The following DENND2A variants were observed in gnomAD, a reference collection of about 807,000 sequenced individuals.
DENND2A encodes DENN domain containing 2A.
A neutral mutation model predicts 105.3 loss-of-function variants in DENND2A; 53 were observed. The ratio of observed to expected loss-of-function variants is 0.50; its 90% CI spans 0.40 to 0.63. DENND2A has a LOEUF of 0.63. DENND2A is among the 30% of genes least tolerant of loss of function. DENND2A has a pLI of 0.00. For missense variants in DENND2A, 1,138 were observed against 1,279.6 expected (o/e 0.89, Z 1.69); for synonymous variants, 522 against 508.4 (o/e 1.03, Z -0.36).
intron 5 of DENND2A, among the ~76,000 whole-genome samples, chr7:140,580,828 G>T (rs1798511116): frequency 6.6e-6 from 1 of 151,540 alleles, no homozygotes; most frequent in African/African-American, 2.4e-5. Context: ...GTAGAGACGG[G>T]GTTTCACCAT....
rs1585742364 is a variant in DENND2A at position 140,605,705 on chromosome 7, T to C, written c.-146A>G. On this transcript the variant is annotated splice_region_variant and 5_prime_UTR_variant, in exon 2 of 20. Coordinates refer to ENST00000496613, the MANE Select transcript of DENND2A (RefSeq NM_015689.5). ...ACTCTCGGGGGAGAAGTGTTCTTAC[T>C]TGTCAGCCAATTTGTAGCTCAGGTT... 6.6e-6 allele frequency: 1 copy of C among 152,340 alleles called. No homozygotes were observed. Among genetic ancestry groups the C allele is most frequent in the African/African-American group, 2.4e-5 (1 of 41,466 alleles). The allele number at this position is 152,340 out of a possible 1,614,324, so 9.4% of individuals were successfully genotyped here. A position where few individuals can be genotyped will look rare whatever the true frequency, so the allele number is the denominator to read the frequency against.
At chr7:140,583,741 A>G (rs1798647440) in intron 5 of DENND2A, among the ~76,000 whole-genome samples, 1 of 147,112 alleles carries the variant, frequency 6.8e-6, no homozygotes, top group Non-Finnish European at 1.5e-5. Context: ...CATCCTGTGA[A>G]TGGTGAAACC....
At chr7:140,574,182 A>G (rs1054823333) in intron 5 of DENND2A, among the ~76,000 whole-genome samples, 174 bp from the exon 6 acceptor site, 1 of 152,116 alleles carries the variant, frequency 6.6e-6, no homozygotes, top group Non-Finnish European at 1.5e-5. Context: ...ATATCATCCA[A>G]TTACCAAAAC....
At chr7:140,544,799 G>C in intron 13 of DENND2A, 33 bp from the exon 14 acceptor site, 1 of 1,554,634 alleles carries the variant, frequency 6.4e-7, no homozygotes, top group Non-Finnish European at 8.7e-7. Flanking sequence ...ATGAAGGAGG[G>C]GCCCAGCTAC....
At chr7:140,636,718 C>T (rs1032046769) in intron 1 of DENND2A, among the ~76,000 whole-genome samples, 10 of 142,242 alleles carry the variant, frequency 7.0e-5, no homozygotes, top group African/African-American at 1.8e-4. Flanking sequence ...GGACACAGGG[C>T]CTCACTGTCG....
At chr7:140,540,712 G>GTTTC (rs753886983) in intron 14 of DENND2A, among the ~76,000 whole-genome samples, 1 of 151,370 alleles carries the variant, frequency 6.6e-6, no homozygotes, top group Non-Finnish European at 1.5e-5. Context: ...GCATTTCCAG[G>GTTTC]TTTCTTTCTT....
intron 14 of DENND2A, among the ~76,000 whole-genome samples, chr7:140,541,190 G>A (rs1796642942): frequency 6.6e-6 from 1 of 152,032 alleles, no homozygotes; most frequent in Admixed American, 6.6e-5. Flanking sequence ...TAGAGACAGA[G>A]TCTCTCTCTG....
At chr7:140,565,407 G>A (rs766026952) in intron 9 of DENND2A, among the ~76,000 whole-genome samples, 29 of 152,060 alleles carry the variant, frequency 1.9e-4, no homozygotes, top group Non-Finnish European at 3.8e-4. Flanking sequence ...GACACATTTT[G>A]TTTATCACTG....
chr7:140,599,134 C>T (rs540357594), intron 3 of DENND2A, among the ~76,000 whole-genome samples: 3 of 151,972 alleles, frequency 2.0e-5, no homozygotes, highest in East Asian at 1.9e-4. Flanking sequence ...GTCAGGGGTT[C>T]GAGACCAGCC....
Position 140,559,736 on chromosome 7 carries a change from C to T in DENND2A, c.1861G>A (p.Asp621Asn), listed in dbSNP as rs547058088. Residue 621 changes from aspartate (D) to asparagine (N), a missense_variant, in exon 10 of 20, where the codon GAT becomes AAT. By Grantham distance (23) the Asp-to-Asn change is conservative. Coordinates refer to ENST00000496613, the MANE Select transcript of DENND2A (RefSeq NM_015689.5). This position sits in a 1 kb window ranked among gnomAD's most constrained non-coding sequence, Gnocchi z 4.1. ...IPQFCFPDAK[D>N]WVPVQQFTSE... ...GTGAACTGCTGGACAGGAACCCAATCCTTGGCATCGGGAAAACAGAACTGG... is the reference window on the plus strand; with the variant it reads ...GTGAACTGCTGGACAGGAACCCAATTCTTGGCATCGGGAAAACAGAACTGG... The T allele has an allele frequency of 1.2e-6, 2 of 1,614,096 alleles. No homozygotes were observed. The highest frequency in any genetic ancestry group is 2.2e-5 in the South Asian group (2 of 91,074).
intron 14 of DENND2A, among the ~76,000 whole-genome samples, chr7:140,528,973 T>C (rs1404405274): frequency 6.6e-6 from 1 of 151,008 alleles, no homozygotes; most frequent in Non-Finnish European, 1.5e-5. Context: ...GGCATGGTGA[T>C]GCACGCCTGT....
intron 13 of DENND2A, 146 bp from the exon 14 acceptor site, chr7:140,544,912 A>C: frequency 7.5e-7 from 1 of 1,340,280 alleles, no homozygotes; most frequent in Non-Finnish European, 9.7e-7. Flanking sequence ...GCAAAACAAA[A>C]GGATTGGGGG....
intron 1 of DENND2A, among the ~76,000 whole-genome samples, chr7:140,628,026 G>A (rs2130732866): frequency 6.6e-6 from 1 of 152,152 alleles, no homozygotes; most frequent in Middle Eastern, 3.4e-3. Flanking sequence ...TTGACCTCAA[G>A]TGATCTGACA....
chr7:140,601,365 C>T (rs1429012248), intron 3 of DENND2A, 38 bp downstream of exon 3: 28 of 1,533,094 alleles, frequency 1.8e-5, no homozygotes, highest in Non-Finnish European at 2.1e-5. Flanking sequence ...CTGAGAGAGT[C>T]AGGTGGCGAC....
At chr7:140,552,212 A>G (rs1279959486) in intron 12 of DENND2A, among the ~76,000 whole-genome samples, 1 of 152,124 alleles carries the variant, frequency 6.6e-6, no homozygotes, top group Non-Finnish European at 1.5e-5. Flanking sequence ...GCCAACCCCA[A>G]CATAAAGTGA....
At position 140,521,899 on chromosome 7, in the gene DENND2A, C is replaced by T. The variant is rs148419180; in HGVS notation, c.2867G>A (p.Arg956Gln). ...CAGCTCCCGCTCCTGGATGAAGCCCCGAAACATCTGAGTCTCCATGAAGAC... is the reference window on the plus strand; with the variant it reads ...CAGCTCCCGCTCCTGGATGAAGCCCTGAAACATCTGAGTCTCCATGAAGAC... ...LEVFMETQMF[R>Q]GFIQERELRR... The change falls in exon 18 of 20, where the codon CGG (arginine) becomes CAG (glutamine). Residue 956 changes from arginine to glutamine, a missense_variant. By Grantham distance (43) the Arg-to-Gln change is conservative. Around this residue, in one of 2 missense-constraint regions of DENND2A, gnomAD observed 627 missense variants for 779.8 expected, o/e 0.80. Coordinates refer to ENST00000496613, the MANE Select transcript of DENND2A (RefSeq NM_015689.5). 1,025 of 1,614,154 alleles carry T rather than the reference C, an allele frequency of 6.4e-4. 9 individuals carry two copies. The highest frequency in any genetic ancestry group is 5.9e-3 in the African/African-American group (440 of 75,072).
At chr7:140,573,712 G>A in intron 6 of DENND2A, 96 bp downstream of exon 6, 1 of 1,362,656 alleles carries the variant, frequency 7.3e-7, no homozygotes, top group Non-Finnish European at 1.0e-6. Context: ...TGGGAGAGGG[G>A]CCAGTGATGT....
intron 8 of DENND2A, among the ~76,000 whole-genome samples, chr7:140,568,414 A>G (rs1456959126): frequency 2.0e-5 from 3 of 152,242 alleles, no homozygotes; most frequent in Non-Finnish European, 2.9e-5. Flanking sequence ...CAGATCACAC[A>G]GTAATTTGAG....
intron 16 of DENND2A, 55 bp downstream of exon 16, chr7:140,525,696 A>G (rs1230662356): frequency 2.0e-6 from 3 of 1,512,520 alleles, no homozygotes; most frequent in Non-Finnish European, 2.7e-6. Flanking sequence ...CTGAGCCCCA[A>G]ACAACAAATA....
Sources: allele counts gnomAD v4.1 joint callset (sites outside exome capture counted in the v4.1 genomes callset), GRCh38; gene constraint gnomAD v4.1.1; regional missense constraint gnomAD v4.1.1; non-coding constraint Gnocchi (gnomAD v3.1); transcripts MANE v1.5; gene names NCBI Gene and HGNC (gene_info 2026-07-23, HGNC 2026-07-21).